The following ADGRL3 variants were observed in gnomAD, a reference collection of about 807,000 sequenced individuals.
ADGRL3 encodes calcium-independent alpha-latrotoxin receptor 3.
ADGRL3 carries 62 observed loss-of-function variants against 153.5 expected under a neutral mutation model. That is an observed-to-expected ratio of 0.40 (90% CI 0.33 to 0.50). ADGRL3 has a LOEUF of 0.50. Ranked by LOEUF, ADGRL3 falls within the 20% of genes least tolerant of loss-of-function variation. ADGRL3 has a pLI of 0.47. For missense variants in ADGRL3, 1,641 were observed against 1,859.4 expected (o/e 0.88, Z 2.16); for synonymous variants, 710 against 672.5 (o/e 1.06, Z -0.86).
Position 61,293,492 on chromosome 4 carries a change from T to C in ADGRL3, c.-239-89632T>C, listed in dbSNP as rs533600221. 9.8e-5 allele frequency among the ~76,000 whole-genome samples: 15 copies of C among 152,312 alleles called. 1 individual carries two copies. The South Asian group carries it at 3.1e-3, about 32-fold the overall frequency. ...TGTACTTTAACTGTAAATGGAAATA[T>C]ATAAGTAGCTGAAGTACTCAGATTT... On this transcript the variant is annotated intron_variant, in intron 1 of 26. Coordinates refer to ENST00000683033, the MANE Select transcript of ADGRL3 (RefSeq NM_001387552.1).
At chr4:61,643,547 CAT>C (rs1221383346) in intron 5 of ADGRL3, among the ~76,000 whole-genome samples, 1 of 151,688 alleles carries the variant, frequency 6.6e-6, no homozygotes, top group African/African-American at 2.4e-5. Flanking sequence ...TTGAGATAAT[CAT>C]GTGGTTTTTG....
intron 4 of ADGRL3, among the ~76,000 whole-genome samples, chr4:61,563,607 A>G (rs2098804226): frequency 6.6e-6 from 1 of 152,224 alleles, no homozygotes. Flanking sequence ...TAGTGTAGCC[A>G]CATTCAACAA....
chr4:61,588,490 A>C (rs2098955945), intron 5 of ADGRL3, among the ~76,000 whole-genome samples: 1 of 151,956 alleles, frequency 6.6e-6, no homozygotes, highest in Non-Finnish European at 1.5e-5. Context: ...ATAAATACGA[A>C]TTATAATATG....
At chr4:61,732,381 C>A (rs143858861) in intron 7 of ADGRL3, among the ~76,000 whole-genome samples, 3 of 152,162 alleles carry the variant, frequency 2.0e-5, no homozygotes, top group African/African-American at 7.2e-5. Flanking sequence ...AAAATATGTT[C>A]TTCAATGAAC....
At chr4:61,227,462 G>A (rs1227631931) in intron 1 of ADGRL3, among the ~76,000 whole-genome samples, 1 of 152,010 alleles carries the variant, frequency 6.6e-6, no homozygotes, top group Non-Finnish European at 1.5e-5. Context: ...TTCCTCCTCG[G>A]CCTCCCAAAG....
At chr4:62,029,505 G>A (rs1029133668) in intron 22 of ADGRL3, among the ~76,000 whole-genome samples, 14 of 151,524 alleles carry the variant, frequency 9.2e-5, no homozygotes, top group African/African-American at 3.4e-4. Flanking sequence ...TAACAAATAT[G>A]AACATAAATG....
intron 5 of ADGRL3, among the ~76,000 whole-genome samples, chr4:61,629,151 A>G (rs1209556404): frequency 1.3e-5 from 2 of 152,212 alleles, no homozygotes; most frequent in Non-Finnish European, 2.9e-5. Context: ...TCTTTCGCTT[A>G]AAAGTACTAT....
intron 8 of ADGRL3, among the ~76,000 whole-genome samples, chr4:61,742,397 G>T (rs1211145168): frequency 6.6e-6 from 1 of 152,032 alleles, no homozygotes; most frequent in Non-Finnish European, 1.5e-5. Context: ...TCCTGCCTCA[G>T]CCTCCCGAGT....
chr4:61,506,582 G>A (rs557557576), intron 3 of ADGRL3, among the ~76,000 whole-genome samples: 1 of 152,094 alleles, frequency 6.6e-6, no homozygotes, highest in Admixed American at 6.5e-5. Context: ...GCTATTCAAA[G>A]TGCAATTCTG....
At chr4:61,986,727 A>G (rs1012180189) in intron 19 of ADGRL3, among the ~76,000 whole-genome samples, 6 of 152,236 alleles carry the variant, frequency 3.9e-5, no homozygotes, top group Admixed American at 2.0e-4. Context: ...CATTATTTCA[A>G]TTATATCACA....
chr4:61,397,730 T>G (rs902087362), intron 2 of ADGRL3, among the ~76,000 whole-genome samples: 1 of 151,870 alleles, frequency 6.6e-6, no homozygotes, highest in African/African-American at 2.4e-5. Flanking sequence ...TAAAAAAAAT[T>G]GTCAGTATTA....
chr4:61,514,318 G>C (rs1313262702), intron 3 of ADGRL3, among the ~76,000 whole-genome samples: 1 of 152,148 alleles, frequency 6.6e-6, no homozygotes, highest in African/African-American at 2.4e-5. Context: ...TTTCTAGCAT[G>C]TGAATTGAAG....
At chr4:61,860,471 G>A (rs1051442135) in intron 9 of ADGRL3, among the ~76,000 whole-genome samples, 7 of 151,928 alleles carry the variant, frequency 4.6e-5, no homozygotes, top group East Asian at 3.9e-4. Context: ...AGCAGAGATC[G>A]GGTAATAGCC....
intron 17 of ADGRL3, among the ~76,000 whole-genome samples, chr4:61,971,141 TA>T (rs1312692359): frequency 6.7e-6 from 1 of 150,162 alleles, no homozygotes; most frequent in Non-Finnish European, 1.5e-5. Flanking sequence ...TAAATTTTTT[TA>T]TTTATTTTTA....
intron 1 of ADGRL3, among the ~76,000 whole-genome samples, chr4:61,336,344 T>A (rs886280678): frequency 6.6e-6 from 1 of 152,180 alleles, no homozygotes; most frequent in Admixed American, 6.5e-5. Context: ...ACCTGAGGAA[T>A]GATTTGGTTG....
At chr4:61,974,920 T>C (rs967813895) in intron 17 of ADGRL3, among the ~76,000 whole-genome samples, 6 of 152,204 alleles carry the variant, frequency 3.9e-5, no homozygotes. Flanking sequence ...GACTGTTTAG[T>C]GGGCAGCATG....
intron 5 of ADGRL3, among the ~76,000 whole-genome samples, chr4:61,590,260 G>A (rs527533261): frequency 1.2e-3 from 180 of 151,958 alleles, no homozygotes; most frequent in African/African-American, 4.3e-3. Flanking sequence ...AACCAACTTT[G>A]GATATATAAA....
intron 8 of ADGRL3, among the ~76,000 whole-genome samples, chr4:61,756,754 G>A (rs2096836827): frequency 6.6e-6 from 1 of 152,110 alleles, no homozygotes; most frequent in African/African-American, 2.4e-5. Flanking sequence ...TTGGCTGTGG[G>A]TTTGTCATAG....
At chr4:61,252,388 ATT>A (rs1759638105) in intron 1 of ADGRL3, among the ~76,000 whole-genome samples, 1 of 152,166 alleles carries the variant, frequency 6.6e-6, no homozygotes, top group Admixed American at 6.5e-5. Flanking sequence ...TCATTACACT[ATT>A]TTGTCAAAAG....
Sources: gnomAD v4.1 joint callset for allele counts (sites outside exome capture counted in the v4.1 genomes callset) on GRCh38, gnomAD v4.1.1 for gene constraint, MANE v1.5 for transcripts, NCBI Gene and HGNC (gene_info 2026-07-23, HGNC 2026-07-21) for gene names.